SPOCK1: variants seen among roughly 807,000 people sequenced by gnomAD.
SPOCK1 encodes testican-1.
Under a neutral mutation model 55.3 loss-of-function variants are expected in SPOCK1, and 23 were observed. The ratio of observed to expected loss-of-function variants is 0.42; its 90% CI spans 0.30 to 0.59. The LOEUF is 0.59. Ranked by LOEUF, SPOCK1 falls within the 20% of genes least tolerant of loss-of-function variation. SPOCK1 has a pLI of 0.22. For synonymous variants in SPOCK1, 226 were observed against 221.0 expected (o/e 1.02, Z -0.20); for missense variants, 499 against 552.5 (o/e 0.90, Z 0.97).
At chr5:137,207,504 C>T (rs995619304) in intron 3 of SPOCK1, among the ~76,000 whole-genome samples, 2 of 152,212 alleles carry the variant, frequency 1.3e-5, no homozygotes, top group South Asian at 2.1e-4. Flanking sequence ...CCTGGGTTTC[C>T]ATATGCTTTA....
At chr5:137,222,186 A>G (rs1755868877) in intron 3 of SPOCK1, among the ~76,000 whole-genome samples, 1 of 152,168 alleles carries the variant, frequency 6.6e-6, no homozygotes, top group African/African-American at 2.4e-5. Context: ...AAAAACACAC[A>G]GGCTGCCTGG....
chr5:137,161,080 T>C (rs1420144805), intron 3 of SPOCK1, among the ~76,000 whole-genome samples: 1 of 147,158 alleles, frequency 6.8e-6, no homozygotes, highest in African/African-American at 2.5e-5. Flanking sequence ...CTCTAATATA[T>C]ATTACATATT....
intron 3 of SPOCK1, among the ~76,000 whole-genome samples, chr5:137,203,300 T>A (rs1755459591): frequency 6.6e-6 from 1 of 151,922 alleles, no homozygotes; most frequent in Non-Finnish European, 1.5e-5. Context: ...GAGCTCAGCC[T>A]CATCATCGAG....
chr5:136,993,968 T>C (rs1031421185), intron 6 of SPOCK1, among the ~76,000 whole-genome samples: 1 of 152,170 alleles, frequency 6.6e-6, no homozygotes. Flanking sequence ...ATTTTTATCA[T>C]CCACATATGC....
At chr5:137,439,453 T>C (rs995192138) in intron 2 of SPOCK1, among the ~76,000 whole-genome samples, 7 of 152,142 alleles carry the variant, frequency 4.6e-5, no homozygotes, top group Non-Finnish European at 1.0e-4. Flanking sequence ...CTATTATTAA[T>C]AGATTCCTCC....
chr5:137,343,420 G>A (rs1328227061), intron 2 of SPOCK1, among the ~76,000 whole-genome samples: 1 of 152,188 alleles, frequency 6.6e-6, no homozygotes, highest in Non-Finnish European at 1.5e-5. Flanking sequence ...CCCTGGAGAT[G>A]TCCAAGCTCA....
chr5:136,978,924 G>A (rs997431479), intron 10 of SPOCK1, 80 bp from the exon 11 acceptor site: 1 of 1,443,390 alleles, frequency 6.9e-7, no homozygotes, highest in South Asian at 1.4e-5. Context: ...TGCCTGAATT[G>A]TAGGGTAAAA....
intron 2 of SPOCK1, among the ~76,000 whole-genome samples, chr5:137,353,493 A>T (rs1307210610): frequency 6.6e-6 from 1 of 152,074 alleles, no homozygotes. Flanking sequence ...GCCTCTGCTG[A>T]CCCCACACCT....
intron 2 of SPOCK1, among the ~76,000 whole-genome samples, chr5:137,268,149 T>A (rs1300543135): frequency 2.0e-5 from 3 of 152,226 alleles, no homozygotes; most frequent in African/African-American, 7.2e-5. Context: ...TTTATCAGCC[T>A]CAGTGTCATT....
intron 2 of SPOCK1, among the ~76,000 whole-genome samples, chr5:137,281,376 A>G (rs1027650196): frequency 3.9e-5 from 6 of 152,270 alleles, no homozygotes; most frequent in Non-Finnish European, 8.8e-5. Flanking sequence ...TTCTTGGGCC[A>G]TGATCATGGC....
chr5:137,125,192 G>A (rs1753763811), intron 4 of SPOCK1, among the ~76,000 whole-genome samples: 1 of 152,154 alleles, frequency 6.6e-6, no homozygotes, highest in Non-Finnish European at 1.5e-5. Flanking sequence ...TGATTTAACT[G>A]ATTCATTCAT....
intron 2 of SPOCK1, among the ~76,000 whole-genome samples, chr5:137,459,712 G>A (rs527389354): frequency 5.8e-4 from 88 of 152,230 alleles, no homozygotes; most frequent in African/African-American, 2.0e-3. Context: ...AGTGCCCTGC[G>A]CTCCAGGAGC....
chr5:137,011,053 G>A (rs750533967), intron 6 of SPOCK1, among the ~76,000 whole-genome samples: 2 of 152,150 alleles, frequency 1.3e-5, no homozygotes, highest in African/African-American at 4.8e-5. Flanking sequence ...ACCATGGAAC[G>A]CTGCTTACAG....
intron 3 of SPOCK1, among the ~76,000 whole-genome samples, chr5:137,193,502 C>G (rs541670473): frequency 6.6e-6 from 1 of 152,186 alleles, no homozygotes; most frequent in Non-Finnish European, 1.5e-5. Flanking sequence ...GAACCAACCA[C>G]CCCCAGCACC....
intron 3 of SPOCK1, among the ~76,000 whole-genome samples, chr5:137,221,340 C>CA (rs1354566707): frequency 6.6e-6 from 1 of 152,066 alleles, no homozygotes; most frequent in Admixed American, 6.5e-5. Flanking sequence ...CATCCAGCTG[C>CA]AAAAAAGCAC....
chr5:137,212,251 G>A (rs1334105102), intron 3 of SPOCK1, among the ~76,000 whole-genome samples: 1 of 152,094 alleles, frequency 6.6e-6, no homozygotes, highest in Non-Finnish European at 1.5e-5. Flanking sequence ...CTCACATATT[G>A]TGGTGACTAA....
intron 6 of SPOCK1, among the ~76,000 whole-genome samples, chr5:137,048,780 G>T (rs1391383354): frequency 8.6e-6 from 1 of 116,844 alleles, no homozygotes; most frequent in African/African-American, 3.4e-5. Flanking sequence ...GGCTGGTATC[G>T]GTTGTTCCTT....
intron 8 of SPOCK1, among the ~76,000 whole-genome samples, chr5:136,985,450 A>G (rs1750820857): frequency 2.0e-5 from 3 of 151,872 alleles, no homozygotes; most frequent in Non-Finnish European, 2.9e-5. Context: ...TTTTCTTTCT[A>G]GTACCAACTC....
intron 4 of SPOCK1, among the ~76,000 whole-genome samples, chr5:137,118,725 T>A (rs1175314719): frequency 5.3e-5 from 8 of 152,246 alleles, no homozygotes; most frequent in Non-Finnish European, 1.2e-4. Flanking sequence ...GGAAAGTAGC[T>A]GCTAAAAACG....
Sources: gnomAD v4.1 joint callset for allele counts (sites outside exome capture counted in the v4.1 genomes callset) on GRCh38, gnomAD v4.1.1 for gene constraint, MANE v1.5 for transcripts, NCBI Gene and HGNC (gene_info 2026-07-23, HGNC 2026-07-21) for gene names.